REDIC1: variants seen among roughly 807,000 people sequenced by gnomAD.
REDIC1 encodes HEI10 Interacting Protein 1.
the REDIC1 span, among the ~76,000 whole-genome samples, chr12:39,726,404 C>A: frequency 2.0e-5 from 3 of 152,072 alleles, no homozygotes; most frequent in African/African-American, 7.2e-5. Context: ...CGAGTGAGAA[C>A]ATGCAGTGTT....
At chr12:39,713,329 CAT>C in the REDIC1 span, among the ~76,000 whole-genome samples, 170 of 141,952 alleles carry the variant, frequency 1.2e-3, no homozygotes, top group African/African-American at 4.1e-3. Flanking sequence ...TGTGTATACA[CAT>C]ATACGTGTAT....
At chr12:39,899,475 T>C in the REDIC1 span, among the ~76,000 whole-genome samples, 1 of 152,172 alleles carries the variant, frequency 6.6e-6, no homozygotes, top group African/African-American at 2.4e-5. Flanking sequence ...TGTGTCTCTA[T>C]TTCCTTCAGT....
the REDIC1 span, among the ~76,000 whole-genome samples, chr12:39,818,689 A>C: frequency 0.72 from 109,678 of 152,000 alleles, 40,327 homozygotes; most frequent in African/African-American, 0.86. Context: ...GGTTTGGTAT[A>C]CTATCTTAGG....
the REDIC1 span, chr12:39,802,484 C>T: frequency 6.6e-6 from 1 of 152,128 alleles, no homozygotes; most frequent in East Asian, 1.9e-4. Context: ...AGGGCCACTT[C>T]ATACAAGGTC....
At chr12:39,889,311 A>G in the REDIC1 span, among the ~76,000 whole-genome samples, 1 of 151,990 alleles carries the variant, frequency 6.6e-6, no homozygotes, top group Non-Finnish European at 1.5e-5. Context: ...TTATTACTTT[A>G]TTCTTTCAGG....
chr12:39,906,341 C>T, the REDIC1 span, among the ~76,000 whole-genome samples: 2 of 152,074 alleles, frequency 1.3e-5, no homozygotes, highest in Non-Finnish European at 2.9e-5. Context: ...AGAAGTCAGT[C>T]ATTGTCAGTC....
the REDIC1 span, among the ~76,000 whole-genome samples, chr12:39,730,796 T>G: frequency 3.3e-5 from 5 of 152,268 alleles, no homozygotes; most frequent in African/African-American, 1.2e-4. Flanking sequence ...ACTAATCAAA[T>G]GTAGGTTTGG....
the REDIC1 span, among the ~76,000 whole-genome samples, chr12:39,896,564 A>C: frequency 9.0e-6 from 1 of 110,782 alleles, no homozygotes; most frequent in South Asian, 3.1e-4. Context: ...ATGTATACAT[A>C]TATGTATGTA....
At chr12:39,638,738 G>T in the REDIC1 span, among the ~76,000 whole-genome samples, 1 of 151,948 alleles carries the variant, frequency 6.6e-6, no homozygotes, top group African/African-American at 2.4e-5. Context: ...ATATATGTCA[G>T]AATCCTTTTT....
chr12:39,722,615 G>T, the REDIC1 span, among the ~76,000 whole-genome samples: 1 of 152,108 alleles, frequency 6.6e-6, no homozygotes, highest in African/African-American at 2.4e-5. Flanking sequence ...TTCCAAATAT[G>T]CATCAAAGTC....
At chr12:39,896,418 A>ATGTGTG in the REDIC1 span, among the ~76,000 whole-genome samples, 28 of 140,902 alleles carry the variant, frequency 2.0e-4, no homozygotes, top group African/African-American at 7.0e-4. Flanking sequence ...ATATGTATGT[A>ATGTGTG]TATGTGTATA....
chr12:39,877,239 A>T, the REDIC1 span, among the ~76,000 whole-genome samples: 1 of 152,206 alleles, frequency 6.6e-6, no homozygotes, highest in East Asian at 1.9e-4. Context: ...AGAGTTCCAC[A>T]TGGCTAGGGA....
At chr12:39,846,990 C>T in the REDIC1 span, among the ~76,000 whole-genome samples, 2 of 152,134 alleles carry the variant, frequency 1.3e-5, no homozygotes, top group African/African-American at 4.8e-5. Context: ...GTAGCTGTTT[C>T]ACTGGTTTCA....
chr12:39,655,745 G>A, the REDIC1 span, among the ~76,000 whole-genome samples: 2 of 152,188 alleles, frequency 1.3e-5, no homozygotes, highest in African/African-American at 4.8e-5. Flanking sequence ...GGATCTAGGG[G>A]TGGAGGGAAG....
chr12:39,717,425 G>T, the REDIC1 span, among the ~76,000 whole-genome samples: 1 of 151,944 alleles, frequency 6.6e-6, no homozygotes, highest in African/African-American at 2.4e-5. Flanking sequence ...AGGAAGAAAA[G>T]ATATATTTAC....
the REDIC1 span, among the ~76,000 whole-genome samples, chr12:39,742,877 G>GAGCAGAAACCCATA: frequency 1.3e-5 from 2 of 152,130 alleles, no homozygotes; most frequent in South Asian, 4.1e-4. Flanking sequence ...CTATTTACCA[G>GAGCAGAAACCCATA]AGCAGAAACC....
At chr12:39,776,878 T>C in the REDIC1 span, among the ~76,000 whole-genome samples, 1 of 152,220 alleles carries the variant, frequency 6.6e-6, no homozygotes, top group Non-Finnish European at 1.5e-5. Context: ...ATCCTGATTT[T>C]GAATTAATAA....
the REDIC1 span, among the ~76,000 whole-genome samples, chr12:39,842,596 T>C: frequency 6.6e-6 from 1 of 152,024 alleles, no homozygotes; most frequent in Non-Finnish European, 1.5e-5. Context: ...GATCACTCAC[T>C]ATAGCACATA....
the REDIC1 span, chr12:39,871,779 T>A: frequency 6.3e-7 from 1 of 1,580,992 alleles, no homozygotes; most frequent in Non-Finnish European, 8.6e-7. Context: ...ATAATTGAAT[T>A]CTTTATCCAG....
Sources: allele counts gnomAD v4.1 joint callset (sites outside exome capture counted in the v4.1 genomes callset), GRCh38; gene constraint gnomAD v4.1.1; transcripts MANE v1.5; gene names NCBI Gene and HGNC (gene_info 2026-07-23, HGNC 2026-07-21).